Variants in DNAAF6 observed in about 807,000 individuals in gnomAD.
DNAAF6 encodes PIH1 domain containing 3.
In DNAAF6, 3 loss-of-function variants were observed where a neutral mutation model predicts 13.7. The ratio of observed to expected loss-of-function variants is 0.22; its 90% CI spans 0.10 to 0.56. The LOEUF is 0.56. Among genes scored for constraint, DNAAF6 ranks in the 20% least tolerant of loss-of-function variants. The probability of loss-of-function intolerance (pLI) is 0.92; values close to 1 mark genes in which losing one functional copy is unlikely to be tolerated. For synonymous variants in DNAAF6, 54 were observed against 49.2 expected (o/e 1.10, Z -0.41); for missense variants, 130 against 151.0 (o/e 0.86, Z 0.73).
intron 1 of DNAAF6, among the ~76,000 whole-genome samples, chrX:107,208,997 A>G (rs73517400): frequency 0.055 from 6,121 of 111,966 alleles, 421 homozygotes; most frequent in African/African-American, 0.19. Flanking sequence ...GAGTTAGTAC[A>G]TTTGATGGTA....
Position 107,213,046 on chromosome X carries a change from A to G in DNAAF6, c.153+18A>G. The G allele has an allele frequency of 8.6e-7, 1 of 1,160,482 alleles. No individual in the cohort carries two copies. The highest frequency in any genetic ancestry group is 3.0e-5 in the East Asian group (1 of 32,802). On this transcript the variant is annotated intron_variant, in intron 2 of 6. Coordinates refer to ENST00000372453, the MANE Select transcript of DNAAF6 (RefSeq NM_173494.2). The stretch of plus-strand genomic sequence containing the variant: ...ATGGACAGGTGGTCATATACTTAAC[A>G]GTTGAATTAGTTTTGTTCATGGGAA...
Position 107,243,464 on chromosome X carries a change from C to A in DNAAF6, c.*166C>A. On this transcript the variant is annotated 3_prime_UTR_variant, in exon 7 of 7. Coordinates refer to ENST00000372453, the MANE Select transcript of DNAAF6 (RefSeq NM_173494.2). ...TGACCATTTACAGTAATTTCTATTA[C>A]TCTGTTAGGAAATATGTTTCCTTGG... 1 of 676,913 alleles carries A rather than the reference C, an allele frequency of 1.5e-6. No homozygotes were observed. The highest frequency in any genetic ancestry group is 2.0e-6 in the Non-Finnish European group (1 of 488,015). 55.8% of individuals were successfully genotyped at this position (676,913 alleles called of 1,213,427 possible).
chrX:107,238,878 G>T, intron 5 of DNAAF6, 44 bp from the exon 6 acceptor site: 1 of 1,195,661 alleles, frequency 8.4e-7, no homozygotes, highest in Non-Finnish European at 1.1e-6. Flanking sequence ...CAAATTAATT[G>T]CTCTCCAAGA....
chrX:107,216,621 G>A, intron 2 of DNAAF6, 50 bp from the exon 3 acceptor site: 2 of 915,489 alleles, frequency 2.2e-6, no homozygotes, highest in Non-Finnish European at 3.1e-6. Context: ...TAGTCATATA[G>A]GTTATACAAG....
At chrX:107,239,302 C>T (rs998928630) in intron 6 of DNAAF6, among the ~76,000 whole-genome samples, 3 of 111,554 alleles carry the variant, frequency 2.7e-5, no homozygotes, top group African/African-American at 9.8e-5. Flanking sequence ...AGTGAAAATG[C>T]CATTAAGTTG....
At chrX:107,208,436 C>CA (rs1249134117) in intron 1 of DNAAF6, among the ~76,000 whole-genome samples, 25 of 107,199 alleles carry the variant, frequency 2.3e-4, no homozygotes, top group African/African-American at 5.7e-4. Context: ...GTCTCAAAAA[C>CA]AAAAAAACAA....
At chrX:107,231,854 C>G (rs1569375631) in intron 5 of DNAAF6, among the ~76,000 whole-genome samples, 1 of 110,706 alleles carries the variant, frequency 9.0e-6, no homozygotes, top group African/African-American at 3.3e-5. Context: ...AGATAAATTT[C>G]TTTTTTTTCT....
chrX:107,228,188 G>A (rs1221021503), intron 5 of DNAAF6, among the ~76,000 whole-genome samples: 1 of 111,869 alleles, frequency 8.9e-6, no homozygotes, highest in African/African-American at 3.3e-5. Flanking sequence ...ATCCGCTGCT[G>A]TCAAGCAGGA....
chrX:107,211,113 G>A (rs1389301179), intron 1 of DNAAF6, among the ~76,000 whole-genome samples: 1 of 112,051 alleles, frequency 8.9e-6, no homozygotes, highest in Non-Finnish European at 1.9e-5. Flanking sequence ...TTTAATAAAT[G>A]TTTTTTAATA....
At chrX:107,225,766 G>A (rs1334121245) in intron 5 of DNAAF6, among the ~76,000 whole-genome samples, 1 of 111,472 alleles carries the variant, frequency 9.0e-6, no homozygotes, top group Non-Finnish European at 1.9e-5. Flanking sequence ...TTATGAATTA[G>A]GAATGTCTTC....
At chrX:107,232,720 T>C in intron 5 of DNAAF6, among the ~76,000 whole-genome samples, 1 of 110,614 alleles carries the variant, frequency 9.0e-6, no homozygotes, top group South Asian at 4.0e-4. Context: ...GAGGTTCCAA[T>C]GTTAGAAAGG....
chrX:107,242,841 T>C (rs899099396), intron 6 of DNAAF6, among the ~76,000 whole-genome samples: 1 of 111,825 alleles, frequency 8.9e-6, no homozygotes, highest in African/African-American at 3.2e-5. Context: ...TATACATAAG[T>C]ATGAGTGGCA....
At chrX:107,222,012 A>G (rs1449675234) in intron 4 of DNAAF6, among the ~76,000 whole-genome samples, 2 of 110,745 alleles carry the variant, frequency 1.8e-5, no homozygotes, top group Admixed American at 9.6e-5. Context: ...TCTATAAACC[A>G]TTGTATTCCT....
Position 107,239,094 on chromosome X carries a change from G to A in DNAAF6, c.515+87G>A, listed in dbSNP as rs762007190. On this transcript the variant is annotated intron_variant, in intron 6 of 6. Coordinates refer to ENST00000372453, the MANE Select transcript of DNAAF6 (RefSeq NM_173494.2). ...ATTTTTTAAAATGTACAGTTATTTT[G>A]TATCACCCCTAAAGTCTGAAGAAAA... 1.4e-5 allele frequency: 15 copies of A among 1,067,967 alleles called. No homozygotes were observed. In the South Asian group the frequency reaches 2.3e-4, roughly 16 times the overall value. The allele number at this position is 1,067,967 out of a possible 1,213,427, so 88.0% of individuals were successfully genotyped here.
At chrX:107,221,445 G>T (rs1353505068) in intron 4 of DNAAF6, among the ~76,000 whole-genome samples, 1 of 110,734 alleles carries the variant, frequency 9.0e-6, no homozygotes, top group African/African-American at 3.3e-5. Context: ...TGCTGCCCAG[G>T]CTGGTCTCAA....
intron 5 of DNAAF6, among the ~76,000 whole-genome samples, chrX:107,237,531 T>C (rs1463752182): frequency 8.9e-6 from 1 of 112,452 alleles, no homozygotes; most frequent in Non-Finnish European, 1.9e-5. Context: ...ATTAGTGACA[T>C]TTAGTATATT....
intron 1 of DNAAF6, among the ~76,000 whole-genome samples, chrX:107,209,205 T>G (rs1466657818): frequency 9.0e-6 from 1 of 111,414 alleles, no homozygotes; most frequent in East Asian, 2.8e-4. Context: ...CTCAAGAATT[T>G]TAATGGAGGA....
At position 107,207,697 on chromosome X, in the gene DNAAF6, C is replaced by T. The variant is rs181106029; in HGVS notation, c.-4+1007C>T. Among the ~76,000 whole-genome samples, 594 of 111,819 alleles carry T rather than the reference C, an allele frequency of 5.3e-3. 3 individuals are homozygous for T. Among genetic ancestry groups the T allele is most frequent in the African/African-American group, 0.018 (568 of 30,847 alleles). On this transcript the variant is annotated intron_variant, in intron 1 of 6. Coordinates refer to ENST00000372453, the MANE Select transcript of DNAAF6 (RefSeq NM_173494.2). ...CTGTAATCCCAGCACTTTGGGAGGC[C>T]GAGGCGGGCAGATCACTTGAGGTCA... is the stretch of plus-strand genomic sequence containing the variant.
At chrX:107,227,882 G>C (rs942347414) in intron 5 of DNAAF6, among the ~76,000 whole-genome samples, 1 of 110,854 alleles carries the variant, frequency 9.0e-6, no homozygotes, top group Non-Finnish European at 1.9e-5. Flanking sequence ...GAGAGAGAGA[G>C]TGTGTGTGTG....
Sources: allele counts gnomAD v4.1 joint callset (sites outside exome capture counted in the v4.1 genomes callset), GRCh38; gene constraint gnomAD v4.1.1; transcripts MANE v1.5; gene names NCBI Gene and HGNC (gene_info 2026-07-23, HGNC 2026-07-21).